Variants in NEK11 observed in about 807,000 individuals in gnomAD.
NEK11 encodes NIMA related kinase 11.
A neutral mutation model predicts 80.7 loss-of-function variants in NEK11; 72 were observed. The ratio of observed to expected loss-of-function variants is 0.89; its 90% CI spans 0.74 to 1.08. The LOEUF (loss-of-function observed/expected upper bound fraction) is 1.08, where lower values mean the gene tolerates loss of function less well. NEK11 is among the 50% of genes least tolerant of loss of function. The pLI, the probability that NEK11 is intolerant of heterozygous loss-of-function variation, is 0.00. For synonymous variants in NEK11, 251 were observed against 260.7 expected (o/e 0.96, Z 0.36); for missense variants, 764 against 763.6 (o/e 1.00, Z -0.01).
chr3:131,097,628 T>G (rs1180201055), intron 4 of NEK11, among the ~76,000 whole-genome samples: 1 of 152,182 alleles, frequency 6.6e-6, no homozygotes, highest in Non-Finnish European at 1.5e-5. Flanking sequence ...CAAGGAGAAC[T>G]GCAAACCACT....
At chr3:131,103,240 T>A (rs556056654) in intron 4 of NEK11, among the ~76,000 whole-genome samples, 1 of 152,202 alleles carries the variant, frequency 6.6e-6, no homozygotes, top group Non-Finnish European at 1.5e-5. Context: ...GGGTACACTC[T>A]GGCTTTTTGC....
chr3:131,193,583 C>T (rs747573075), intron 14 of NEK11, among the ~76,000 whole-genome samples: 3 of 151,968 alleles, frequency 2.0e-5, no homozygotes, highest in Non-Finnish European at 4.4e-5. Context: ...AAGGTAAAAG[C>T]CCTACTTTAT....
intron 10 of NEK11, among the ~76,000 whole-genome samples, chr3:131,161,116 A>G (rs2149925510): frequency 6.7e-6 from 1 of 149,288 alleles, no homozygotes; most frequent in African/African-American, 2.5e-5. Flanking sequence ...GTGCCACCGC[A>G]CTGCAGCCTG....
intron 2 of NEK11, among the ~76,000 whole-genome samples, chr3:131,028,363 G>T (rs2064215472): frequency 6.6e-6 from 1 of 152,176 alleles, no homozygotes; most frequent in South Asian, 2.1e-4. Context: ...TTGTCTCATA[G>T]CTTTGGAATT....
intron 5 of NEK11, among the ~76,000 whole-genome samples, chr3:131,114,449 T>C (rs973199701): frequency 2.0e-5 from 3 of 152,196 alleles, no homozygotes; most frequent in African/African-American, 4.8e-5. Flanking sequence ...TTGACAGATA[T>C]GGGTCATCTG....
chr3:131,035,371 T>TA (rs2109411848), intron 3 of NEK11, among the ~76,000 whole-genome samples: 1 of 152,074 alleles, frequency 6.6e-6, no homozygotes, highest in African/African-American at 2.4e-5. Context: ...AAAAGATAAT[T>TA]AAAAAACCCC....
Position 131,177,839 on chromosome 3 carries a change from A to C in NEK11, c.1399+6952A>C, listed in dbSNP as rs116739483. 8.1e-3 allele frequency among the ~76,000 whole-genome samples: 1,240 copies of C among 152,342 alleles called. 22 individuals carry two copies. Among genetic ancestry groups the C allele is most frequent in the African/African-American group, 0.028 (1,172 of 41,574 alleles). On this transcript the variant is annotated intron_variant, in intron 14 of 17. Transcript: ENST00000383366. ...AACCTATTCAAATATCACTCACGTG[A>C]ATACAGTCATGTACTGCTTAATGAC...
chr3:131,332,879 T>G (rs6782841), intron 17 of NEK11, among the ~76,000 whole-genome samples: 27,945 of 151,936 alleles, frequency 0.18, 4,734 homozygotes, highest in African/African-American at 0.44. Context: ...GATGGAAGAC[T>G]AAATGAATGA....
At chr3:131,058,482 A>T (rs574501694) in intron 3 of NEK11, among the ~76,000 whole-genome samples, 1 of 152,298 alleles carries the variant, frequency 6.6e-6, no homozygotes, top group Admixed American at 6.5e-5. Context: ...AGAGAGCGAT[A>T]CCAGCCCCAG....
At chr3:131,117,880 C>T (rs940035579) in intron 5 of NEK11, among the ~76,000 whole-genome samples, 10 of 152,102 alleles carry the variant, frequency 6.6e-5, no homozygotes, top group Non-Finnish European at 1.2e-4. Context: ...TGGGCTGAGA[C>T]GATGGGGTTT....
At chr3:131,218,127 C>A (rs2094903723) in intron 14 of NEK11, among the ~76,000 whole-genome samples, 6 of 152,116 alleles carry the variant, frequency 3.9e-5, no homozygotes, top group Admixed American at 3.9e-4. Flanking sequence ...TATCTCTTAT[C>A]CTTTATATTT....
Position 131,248,026 on chromosome 3 carries a change from C to A in NEK11, c.1621+4530C>A, listed in dbSNP as rs1041417691. On this transcript the variant is annotated intron_variant, in intron 16 of 17. Coordinates refer to ENST00000383366, the MANE Select transcript of NEK11 (RefSeq NM_024800.5). ...GTCTAGTGTTTTCTAGGTATAAGATCATATGATCAGCAAACTGAGATAATT... is the reference window on the plus strand; with the variant it reads ...GTCTAGTGTTTTCTAGGTATAAGATAATATGATCAGCAAACTGAGATAATT... 2.6e-5 allele frequency among the ~76,000 whole-genome samples: 4 copies of A among 152,124 alleles called. 1 individual carries two copies. In the South Asian group the frequency reaches 8.3e-4, roughly 32 times the overall value.
intron 17 of NEK11, among the ~76,000 whole-genome samples, chr3:131,342,262 C>T (rs1428589021): frequency 1.3e-5 from 2 of 152,170 alleles, no homozygotes; most frequent in Non-Finnish European, 2.9e-5. Context: ...AATTTTAAAC[C>T]TCTTTCTGTA....
chr3:131,200,996 G>A (rs1325621677), intron 14 of NEK11, among the ~76,000 whole-genome samples: 1 of 151,966 alleles, frequency 6.6e-6, no homozygotes, highest in Non-Finnish European at 1.5e-5. Context: ...ATAAATTATA[G>A]CATATTCATA....
chr3:131,072,978 G>C (rs1467150283), intron 3 of NEK11, among the ~76,000 whole-genome samples: 1 of 151,974 alleles, frequency 6.6e-6, no homozygotes, highest in Non-Finnish European at 1.5e-5. Flanking sequence ...TCAACTCTTT[G>C]GTCATGTGCT....
intron 3 of NEK11, among the ~76,000 whole-genome samples, chr3:131,057,065 G>A (rs1221634423): frequency 5.8e-5 from 7 of 120,838 alleles, no homozygotes; most frequent in African/African-American, 2.3e-4. Context: ...TGTCCCCAGA[G>A]TGTGATGTTC....
At chr3:131,270,817 G>A (rs767245182) in intron 16 of NEK11, among the ~76,000 whole-genome samples, 4 of 152,104 alleles carry the variant, frequency 2.6e-5, no homozygotes, top group Admixed American at 6.5e-5. Context: ...AAATTGCTTT[G>A]ACCTTTATTT....
chr3:131,083,487 C>A (rs947526872), intron 4 of NEK11, among the ~76,000 whole-genome samples: 3 of 152,204 alleles, frequency 2.0e-5, no homozygotes, highest in Non-Finnish European at 4.4e-5. Flanking sequence ...TTCTTGTTAA[C>A]AGAGATATTT....
At chr3:131,269,410 G>A (rs1285474517) in intron 16 of NEK11, among the ~76,000 whole-genome samples, 1 of 152,166 alleles carries the variant, frequency 6.6e-6, no homozygotes, top group Non-Finnish European at 1.5e-5. Context: ...GGCACCCGAG[G>A]GAATCTCCTG....
Sources: allele counts gnomAD v4.1 joint callset (sites outside exome capture counted in the v4.1 genomes callset), GRCh38; gene constraint gnomAD v4.1.1; transcripts MANE v1.5; gene names NCBI Gene and HGNC (gene_info 2026-07-23, HGNC 2026-07-21).